BLTP3B: variants seen among roughly 807,000 people sequenced by gnomAD.
BLTP3B encodes the protein bridge-like lipid transfer protein family member 3B.
chr12:100,070,335 G>A, the BLTP3B span, among the ~76,000 whole-genome samples: 1 of 150,360 alleles, frequency 6.7e-6, no homozygotes, highest in Non-Finnish European at 1.5e-5. Flanking sequence ...TGCCCAGGCT[G>A]GAGTGCAATG....
the BLTP3B span, among the ~76,000 whole-genome samples, chr12:100,141,437 A>ATATATGTGTATATATGTATATG: frequency 1.5e-5 from 2 of 129,274 alleles, no homozygotes; most frequent in Admixed American, 7.8e-5. Context: ...GTACATATGT[A>ATATATGTGTATATATGTATATG]TATATATGTA....
At chr12:100,060,140 TTAAGA>T in the BLTP3B span, 17 of 986,574 alleles carry the variant, frequency 1.7e-5, no homozygotes, top group Admixed American at 1.2e-4. Flanking sequence ...TTATTCTTTC[TTAAGA>T]TAAAACAAAT....
chr12:100,099,864 G>A, the BLTP3B span, among the ~76,000 whole-genome samples: 242 of 151,192 alleles, frequency 1.6e-3, 3 homozygotes, highest in East Asian at 0.035. Flanking sequence ...GGAGGTTGAC[G>A]CTGCAGTGAG....
chr12:100,044,079 GTTTGTTTTGT>G, the BLTP3B span, among the ~76,000 whole-genome samples: 1 of 151,896 alleles, frequency 6.6e-6, no homozygotes, highest in Non-Finnish European at 1.5e-5. Flanking sequence ...TTTTCTGTTT[GTTTGTTTTGT>G]TTTGTTTTGT....
the BLTP3B span, among the ~76,000 whole-genome samples, chr12:100,069,671 C>G: frequency 6.6e-6 from 1 of 151,550 alleles, no homozygotes; most frequent in Non-Finnish European, 1.5e-5. Context: ...AATGCAAAAG[C>G]ATAAGAATGA....
the BLTP3B span, among the ~76,000 whole-genome samples, chr12:100,038,901 C>T: frequency 6.6e-6 from 1 of 152,162 alleles, no homozygotes; most frequent in Non-Finnish European, 1.5e-5. Context: ...CTTGCCTTAT[C>T]GACCAAGTGA....
At chr12:100,115,367 C>T in the BLTP3B span, among the ~76,000 whole-genome samples, 1 of 152,172 alleles carries the variant, frequency 6.6e-6, no homozygotes, top group Non-Finnish European at 1.5e-5. Context: ...GATCACACCA[C>T]CACACTCCAG....
At chr12:100,065,680 T>C in the BLTP3B span, among the ~76,000 whole-genome samples, 1 of 152,162 alleles carries the variant, frequency 6.6e-6, no homozygotes, top group Non-Finnish European at 1.5e-5. Flanking sequence ...TCTTGAACCC[T>C]GTTTTCTGTT....
chr12:100,102,974 C>T, the BLTP3B span: 1 of 663,120 alleles, frequency 1.5e-6, no homozygotes, highest in Non-Finnish European at 2.3e-6. Context: ...AAAAAGTGAG[C>T]AGAGTCATTT....
At chr12:100,057,672 G>C in the BLTP3B span, 1 of 1,612,508 alleles carries the variant, frequency 6.2e-7, no homozygotes, top group Non-Finnish European at 8.5e-7. Flanking sequence ...CATTTGTGAA[G>C]AGCTTCTTTT....
the BLTP3B span, among the ~76,000 whole-genome samples, chr12:100,119,452 A>C: frequency 5.3e-5 from 8 of 152,194 alleles, no homozygotes; most frequent in African/African-American, 1.7e-4. Context: ...TGATTCTAAA[A>C]TTTTCATGAA....
At chr12:100,058,098 G>C in the BLTP3B span, 2 of 1,609,806 alleles carry the variant, frequency 1.2e-6, no homozygotes, top group Non-Finnish European at 8.5e-7. Context: ...CAGGTTTTCA[G>C]AGAGTGAAGC....
chr12:100,140,732 ATATATAT>A, the BLTP3B span, among the ~76,000 whole-genome samples: 1 of 85,500 alleles, frequency 1.2e-5, no homozygotes, highest in African/African-American at 4.7e-5. Flanking sequence ...AAAAAAAAAT[ATATATAT>A]ATATATATAT....
chr12:100,119,099 C>T, the BLTP3B span, among the ~76,000 whole-genome samples: 5 of 151,756 alleles, frequency 3.3e-5, no homozygotes, highest in African/African-American at 1.2e-4. Context: ...CAGACTCTGT[C>T]TCAAAAATGA....
At chr12:100,103,645 A>G in the BLTP3B span, among the ~76,000 whole-genome samples, 1 of 152,196 alleles carries the variant, frequency 6.6e-6, no homozygotes, top group Non-Finnish European at 1.5e-5. Context: ...CCCATAGTAC[A>G]TCAACAAAGA....
At chr12:100,054,023 T>C in the BLTP3B span, among the ~76,000 whole-genome samples, 1 of 152,166 alleles carries the variant, frequency 6.6e-6, no homozygotes, top group Non-Finnish European at 1.5e-5. Flanking sequence ...TCTACACTTT[T>C]TAAGATCCTA....
chr12:100,128,440 C>T, the BLTP3B span: 1 of 595,690 alleles, frequency 1.7e-6, no homozygotes, highest in Non-Finnish European at 2.2e-6. Flanking sequence ...GAGCCTCTAG[C>T]TACATAGTAA....
the BLTP3B span, among the ~76,000 whole-genome samples, chr12:100,082,588 C>A: frequency 6.6e-6 from 1 of 152,272 alleles, no homozygotes; most frequent in East Asian, 1.9e-4. Flanking sequence ...ACAACAGGGT[C>A]TAATTTCAAT....
chr12:100,047,513 T>C, the BLTP3B span: 3 of 1,561,858 alleles, frequency 1.9e-6, no homozygotes, highest in South Asian at 2.2e-5. Context: ...AATAAACAAA[T>C]AGTTTTTCAT....
Sources: gnomAD v4.1 joint callset for allele counts (sites outside exome capture counted in the v4.1 genomes callset) on GRCh38, gnomAD v4.1.1 for gene constraint, MANE v1.5 for transcripts, NCBI Gene and HGNC (gene_info 2026-07-23, HGNC 2026-07-21) for gene names.